VEGFD: variants seen among roughly 807,000 people sequenced by gnomAD.
VEGFD encodes the protein vascular endothelial growth factor D, also known as c-fos induced growth factor (vascular endothelial growth factor D).
Under a neutral mutation model 28.0 loss-of-function variants are expected in VEGFD, and 26 were observed. The observed-to-expected ratio is 0.93, with a 90% CI of 0.68 to 1.29. The LOEUF (loss-of-function observed/expected upper bound fraction) is 1.29. Among genes scored for constraint, VEGFD ranks in the 50% most tolerant of loss-of-function variants. The pLI is 0.00. For missense variants in VEGFD, 294 were observed against 273.4 expected (o/e 1.08, Z -0.53); for synonymous variants, 93 against 95.5 (o/e 0.97, Z 0.15).
intron 1 of VEGFD, among the ~76,000 whole-genome samples, chrX:15,375,715 G>A (rs950839598): frequency 4.5e-5 from 5 of 111,839 alleles, no homozygotes; most frequent in Admixed American, 9.5e-5. Context: ...GTGAATGTAT[G>A]TGTGTGTGCG....
At chrX:15,351,423 C>A (rs973324566) in intron 5 of VEGFD, among the ~76,000 whole-genome samples, 2 of 110,291 alleles carry the variant, frequency 1.8e-5, no homozygotes, top group Admixed American at 9.6e-5. Flanking sequence ...CCGGCCGGCC[C>A]GGCTGGTTTT....
At chrX:15,357,187 G>A (rs1484489595) in intron 3 of VEGFD, among the ~76,000 whole-genome samples, 1 of 111,957 alleles carries the variant, frequency 8.9e-6, no homozygotes, top group Non-Finnish European at 1.9e-5. Flanking sequence ...ACTAAGCAAA[G>A]GGAAATTTAT....
chrX:15,377,172 A>G (rs1250983423), intron 1 of VEGFD, among the ~76,000 whole-genome samples: 1 of 112,532 alleles, frequency 8.9e-6, no homozygotes, highest in African/African-American at 3.2e-5. Context: ...TTTATTTTAT[A>G]AAAACATCAT....
At chrX:15,367,059 A>G (rs776978725) in intron 1 of VEGFD, among the ~76,000 whole-genome samples, 88 of 112,081 alleles carry the variant, frequency 7.9e-4, no homozygotes, top group African/African-American at 2.7e-3. Flanking sequence ...GGAAAGAGGC[A>G]ACAGACAGGA....
chrX:15,358,871 ACTTT>A (rs916114536), intron 2 of VEGFD, among the ~76,000 whole-genome samples: 1 of 112,290 alleles, frequency 8.9e-6, no homozygotes, highest in African/African-American at 3.2e-5. Context: ...AAAATTATAT[ACTTT>A]CTTGTAAAAC....
At chrX:15,371,030 GACCATGAGGTCC>G in intron 1 of VEGFD, among the ~76,000 whole-genome samples, 1 of 110,957 alleles carries the variant, frequency 9.0e-6, no homozygotes, top group African/African-American at 3.3e-5. Flanking sequence ...AGGCCATGTG[GACCATGAGGTCC>G]ACCACCCTGT....
chrX:15,355,388 T>C, intron 3 of VEGFD, 90 bp from the exon 4 acceptor site: 1 of 760,230 alleles, frequency 1.3e-6, no homozygotes, highest in Admixed American at 4.5e-5. Flanking sequence ...GCCTTTGTCA[T>C]TTACGGCAAT....
At chrX:15,347,454 T>C in intron 5 of VEGFD, 95 bp from the exon 6 acceptor site, 1 of 697,496 alleles carries the variant, frequency 1.4e-6, no homozygotes, top group Non-Finnish European at 2.1e-6. Context: ...CGTAAGTAAC[T>C]TGGATTCACC....
At chrX:15,357,574 G>A (rs2147739678) in intron 3 of VEGFD, among the ~76,000 whole-genome samples, 1 of 111,666 alleles carries the variant, frequency 9.0e-6, no homozygotes, top group East Asian at 2.8e-4. Context: ...CCCCAATTCT[G>A]CCCACAACCT....
intron 5 of VEGFD, among the ~76,000 whole-genome samples, chrX:15,351,059 T>G (rs1922703024): frequency 1.2e-5 from 1 of 83,321 alleles, no homozygotes; most frequent in African/African-American, 4.7e-5. Context: ...TTTTTTTTTT[T>G]TTTTTAGTAG....
At chrX:15,383,727 T>C in intron 1 of VEGFD, 130 bp downstream of exon 1, 1 of 473,600 alleles carries the variant, frequency 2.1e-6, no homozygotes, top group Non-Finnish European at 3.7e-6. Context: ...ATGCAGGATA[T>C]ATCCTGTCCA....
chrX:15,347,067 C>A, intron 6 of VEGFD, 97 bp downstream of exon 6: 1 of 830,201 alleles, frequency 1.2e-6, no homozygotes, highest in Non-Finnish European at 1.7e-6. Context: ...ACTCAGGCAC[C>A]AAGGGGAAAA....
chrX:15,347,306 C>G lies in VEGFD; in HGVS notation c.796G>C (p.Glu266Gln). The G allele has an allele frequency of 8.3e-7, 1 of 1,210,999 alleles. No individual in the cohort carries two copies. Among genetic ancestry groups the G allele is most frequent in the Non-Finnish European group, 1.1e-6 (1 of 895,121 alleles). Reference protein sequence around the residue: ...ALCGPHMMFDEDRCECVCKTP... With the variant: ...ALCGPHMMFDQDRCECVCKTP... Reference sequence around the variant, plus strand: ...TTACAGACACACTCGCAACGATCTTCGTCAAACATCATGTGTGGCCCACAG... The same window carrying G: ...TTACAGACACACTCGCAACGATCTTGGTCAAACATCATGTGTGGCCCACAG... The change falls in exon 6 of 7, where the codon GAA (glutamate) becomes CAA (glutamine). Residue 266 changes from glutamate to glutamine, a missense_variant. By Grantham distance (29) the Glu-to-Gln change is conservative (BLOSUM62 2). Coordinates refer to ENST00000297904, the MANE Select transcript of VEGFD (RefSeq NM_004469.5).
chrX:15,361,851 TTTTTGTTTTG>T (rs914486336), intron 2 of VEGFD, among the ~76,000 whole-genome samples: 3 of 111,013 alleles, frequency 2.7e-5, no homozygotes, highest in Non-Finnish European at 5.7e-5. Flanking sequence ...TTTCTTTGTT[TTTTTGTTTTG>T]TTTTGTTTTG....
intron 5 of VEGFD, among the ~76,000 whole-genome samples, chrX:15,350,807 TTC>T (rs1337186743): frequency 2.0e-4 from 21 of 103,730 alleles, no homozygotes; most frequent in Non-Finnish European, 3.9e-4. Context: ...TTTTCTTTCT[TTC>T]TTTCTCTCTC....
At chrX:15,351,554 C>T (rs1922731876) in intron 5 of VEGFD, among the ~76,000 whole-genome samples, 1 of 112,050 alleles carries the variant, frequency 8.9e-6, no homozygotes, top group Admixed American at 9.4e-5. Context: ...GAACATGAGT[C>T]ACATGGAGAA....
At chrX:15,369,230 TC>T (rs746408228) in intron 1 of VEGFD, among the ~76,000 whole-genome samples, 5 of 111,301 alleles carry the variant, frequency 4.5e-5, no homozygotes, top group Non-Finnish European at 7.5e-5. Flanking sequence ...CCTTCTGTAC[TC>T]CTACCAATTT....
chrX:15,381,539 A>G (rs960999438), intron 1 of VEGFD, among the ~76,000 whole-genome samples: 11 of 82,700 alleles, frequency 1.3e-4, no homozygotes, highest in Non-Finnish European at 3.0e-4. Context: ...TAAAAAAAAA[A>G]AAACAAAAAA....
At chrX:15,354,114 A>G (rs1281927008) in intron 4 of VEGFD, among the ~76,000 whole-genome samples, 2 of 105,998 alleles carry the variant, frequency 1.9e-5, no homozygotes, top group Non-Finnish European at 3.9e-5. Flanking sequence ...GACTACAGGC[A>G]CCCACCACCA....
Sources: allele counts gnomAD v4.1 joint callset (sites outside exome capture counted in the v4.1 genomes callset), GRCh38; gene constraint gnomAD v4.1.1; transcripts MANE v1.5; gene names NCBI Gene and HGNC (gene_info 2026-07-23, HGNC 2026-07-21).